The following CCDC192 variants were observed in gnomAD, a reference collection of about 807,000 sequenced individuals.
CCDC192 encodes the protein coiled-coil domain containing 192.
At chr5:127,834,962 G>GA (rs1268483662) in intron 5 of CCDC192, among the ~76,000 whole-genome samples, 1 of 152,114 alleles carries the variant, frequency 6.6e-6, no homozygotes, top group East Asian at 1.9e-4. Context: ...AACTTGACAT[G>GA]AAAATATTAA....
At chr5:127,829,551 G>A (rs1749690034) in intron 5 of CCDC192, among the ~76,000 whole-genome samples, 1 of 152,098 alleles carries the variant, frequency 6.6e-6, no homozygotes, top group South Asian at 2.1e-4. Flanking sequence ...TGCTATAGGA[G>A]GAGCTAGGTG....
chr5:127,702,763 C>T (rs1041945287), upstream of CCDC192, among the ~76,000 whole-genome samples: 1 of 152,192 alleles, frequency 6.6e-6, no homozygotes, highest in African/African-American at 2.4e-5. Flanking sequence ...GAAGCGGATA[C>T]AGGTTCACCT....
chr5:127,744,362 C>T (rs1753618826), intron 2 of CCDC192, among the ~76,000 whole-genome samples: 2 of 151,668 alleles, frequency 1.3e-5, no homozygotes. Flanking sequence ...AGGTGCCTGT[C>T]AAGCAGAAGG....
At chr5:127,702,787 C>A (rs1224503103), upstream of CCDC192, among the ~76,000 whole-genome samples, 3 of 152,224 alleles carry the variant, frequency 2.0e-5, no homozygotes, top group Non-Finnish European at 4.4e-5. Flanking sequence ...TCTACAAATG[C>A]ATCCAGGGAG....
intron 6 of CCDC192, among the ~76,000 whole-genome samples, chr5:127,908,964 G>A (rs974448914): frequency 1.3e-5 from 2 of 152,132 alleles, no homozygotes; most frequent in South Asian, 2.1e-4. Flanking sequence ...TTTGACCAAT[G>A]AAATGTAACT....
chr5:127,928,685 C>G (rs1753932144), intron 6 of CCDC192, among the ~76,000 whole-genome samples: 1 of 152,228 alleles, frequency 6.6e-6, no homozygotes, highest in Non-Finnish European at 1.5e-5. Context: ...CTCTTCCAAG[C>G]TTGCTGAGAA....
chr5:127,894,760 G>C (rs1752831301), intron 6 of CCDC192, among the ~76,000 whole-genome samples: 1 of 152,212 alleles, frequency 6.6e-6, no homozygotes, highest in Admixed American at 6.5e-5. Flanking sequence ...AAATCTGTAA[G>C]ATTTTAGAAC....
At chr5:127,736,304 T>C (rs1339458282) in intron 2 of CCDC192, among the ~76,000 whole-genome samples, 1 of 139,684 alleles carries the variant, frequency 7.2e-6, no homozygotes, top group Non-Finnish European at 1.5e-5. Context: ...GGATAAGCTT[T>C]TTGATGTGCT....
intron 5 of CCDC192, among the ~76,000 whole-genome samples, chr5:127,827,314 T>C (rs989434364): frequency 2.6e-5 from 4 of 152,184 alleles, no homozygotes; most frequent in Non-Finnish European, 5.9e-5. Flanking sequence ...GTCAAGATAT[T>C]AGATCTTGGT....
chr5:127,752,583 C>A (rs544956629), intron 2 of CCDC192, among the ~76,000 whole-genome samples: 165 of 152,330 alleles, frequency 1.1e-3, no homozygotes, highest in African/African-American at 3.8e-3. Flanking sequence ...TGTGCCCTGC[C>A]CCCAGAGGTG....
chr5:127,763,411 T>C (rs1755039616), intron 3 of CCDC192, among the ~76,000 whole-genome samples: 2 of 152,190 alleles, frequency 1.3e-5, no homozygotes, highest in African/African-American at 4.8e-5. Flanking sequence ...CATCTTTTTT[T>C]CTCTATCTCC....
At chr5:127,863,073 C>G (rs2127108753) in intron 5 of CCDC192, among the ~76,000 whole-genome samples, 1 of 152,190 alleles carries the variant, frequency 6.6e-6, no homozygotes, top group South Asian at 2.1e-4. Context: ...ACTTTAAGGC[C>G]TATGTGCCTC....
At chr5:127,790,885 T>C (rs1326284554) in intron 3 of CCDC192, among the ~76,000 whole-genome samples, 1 of 152,240 alleles carries the variant, frequency 6.6e-6, no homozygotes, top group Non-Finnish European at 1.5e-5. Flanking sequence ...AAAAACTGCT[T>C]GTTTTTACAG....
At chr5:127,737,210 G>A (rs1035579041) in intron 2 of CCDC192, among the ~76,000 whole-genome samples, 5 of 152,022 alleles carry the variant, frequency 3.3e-5, no homozygotes, top group South Asian at 2.1e-4. Context: ...TCAGGAGCAG[G>A]TTGTTCAGTT....
At chr5:127,774,769 ACT>A (rs928481396) in intron 3 of CCDC192, among the ~76,000 whole-genome samples, 16 of 151,662 alleles carry the variant, frequency 1.1e-4, no homozygotes, top group African/African-American at 3.6e-4. Context: ...TTGAGGACTG[ACT>A]CTCTTATTCT....
chr5:127,858,323 C>G (rs1751193024), intron 5 of CCDC192, among the ~76,000 whole-genome samples: 1 of 152,202 alleles, frequency 6.6e-6, no homozygotes, highest in African/African-American at 2.4e-5. Flanking sequence ...CACCATTTCT[C>G]TTTCCATTGC....
chr5:127,819,415 G>A (rs1749184441), intron 5 of CCDC192, among the ~76,000 whole-genome samples: 1 of 152,084 alleles, frequency 6.6e-6, no homozygotes, highest in African/African-American at 2.4e-5. Context: ...CTCAGGTAGG[G>A]TAAATAACCA....
At chr5:127,940,247 T>C (rs993401009) in intron 6 of CCDC192, among the ~76,000 whole-genome samples, 1 of 152,172 alleles carries the variant, frequency 6.6e-6, no homozygotes, top group African/African-American at 2.4e-5. Flanking sequence ...AAGAGGTATC[T>C]GTGATTTTAT....
chr5:127,747,258 C>T lies in CCDC192; in HGVS notation c.115-7010C>T, dbSNP rs562706296. ...TCTCCCAATGCTATCCCTCCCCCCT[C>T]TCCCCACCCCGCAACAGTCCCCAGA... On this transcript the variant is annotated intron_variant, in intron 2 of 6. Transcript: ENST00000514853. Among the ~76,000 whole-genome samples, 233 of 151,946 alleles carry T rather than the reference C, an allele frequency of 1.5e-3. 1 individual carries two copies. Among genetic ancestry groups the T allele is most frequent in the Non-Finnish European group, 2.5e-3 (167 of 67,966 alleles).
Sources: gnomAD v4.1 joint callset for allele counts (sites outside exome capture counted in the v4.1 genomes callset) on GRCh38, gnomAD v4.1.1 for gene constraint, MANE v1.5 for transcripts, NCBI Gene and HGNC (gene_info 2026-07-23, HGNC 2026-07-21) for gene names.